Variants in RPH3A observed in about 807,000 individuals in gnomAD.
The protein encoded by RPH3A is rabphilin-3A.
A neutral mutation model predicts 102.2 loss-of-function variants in RPH3A; 48 were observed. The observed-to-expected ratio is 0.47, with a 90% CI of 0.37 to 0.60. RPH3A has a LOEUF of 0.60. Among genes scored for constraint, RPH3A ranks in the 20% least tolerant of loss-of-function variants. The pLI is 0.00. For missense variants in RPH3A, 781 were observed against 910.1 expected, an observed-to-expected ratio of 0.86 and a Z score of 1.83; for synonymous variants, 310 against 324.3, an observed-to-expected ratio of 0.96 and a Z score of 0.47.
At chr12:112,818,814 T>C (rs1206517551) in intron 2 of RPH3A, among the ~76,000 whole-genome samples, 1 of 152,066 alleles carries the variant, frequency 6.6e-6, no homozygotes, top group Non-Finnish European at 1.5e-5. Flanking sequence ...GCAAATGCAA[T>C]AGATGTCTAC....
intron 1 of RPH3A, among the ~76,000 whole-genome samples, chr12:112,678,113 C>T (rs2040194245): frequency 1.3e-5 from 2 of 151,852 alleles, no homozygotes; most frequent in Admixed American, 6.6e-5. Context: ...AGGAGAATCA[C>T]TTGAACCTGG....
intron 1 of RPH3A, among the ~76,000 whole-genome samples, chr12:112,678,303 A>AAGAAAGAG (rs1555283199): frequency 2.0e-5 from 1 of 50,194 alleles, no homozygotes; most frequent in South Asian, 6.1e-4. Context: ...GAAAGAAAGA[A>AAGAAAGAG]AGAGAGAGAG....
intron 2 of RPH3A, among the ~76,000 whole-genome samples, chr12:112,795,507 C>T (rs1433005723): frequency 6.6e-6 from 1 of 152,184 alleles, no homozygotes; most frequent in South Asian, 2.1e-4. Flanking sequence ...TGCCTCACAC[C>T]TATCTACCTT....
At chr12:112,878,556 G>A (rs146275822) in intron 13 of RPH3A, among the ~76,000 whole-genome samples, 22 of 152,286 alleles carry the variant, frequency 1.4e-4, no homozygotes, top group African/African-American at 4.8e-4. Context: ...ACATACCAAC[G>A]AATTCATTTC....
chr12:112,746,099 ATC>A, intron 1 of RPH3A, among the ~76,000 whole-genome samples: 1 of 152,242 alleles, frequency 6.6e-6, no homozygotes, highest in Non-Finnish European at 1.5e-5. Context: ...TGTGTTTCAC[ATC>A]TTTTTTCTTT....
intron 1 of RPH3A, among the ~76,000 whole-genome samples, chr12:112,610,587 T>C (rs957877231): frequency 4.6e-5 from 7 of 151,996 alleles, no homozygotes; most frequent in East Asian, 1.9e-4. Flanking sequence ...ATTATCTTAT[T>C]TGATTATCTT....
chr12:112,746,479 AC>A (rs2136057598), intron 1 of RPH3A, among the ~76,000 whole-genome samples: 1 of 151,518 alleles, frequency 6.6e-6, no homozygotes, highest in African/African-American at 2.4e-5. Flanking sequence ...GAGGGAACAA[AC>A]CTCACCGAGA....
chr12:112,755,323 A>G (rs2040816388), intron 1 of RPH3A, among the ~76,000 whole-genome samples: 1 of 151,936 alleles, frequency 6.6e-6, no homozygotes, highest in Admixed American at 6.6e-5. Context: ...ACACACACAC[A>G]CACACACACA....
chr12:112,663,657 C>T (rs2040065500), intron 1 of RPH3A, among the ~76,000 whole-genome samples: 1 of 152,072 alleles, frequency 6.6e-6, no homozygotes, highest in African/African-American at 2.4e-5. Flanking sequence ...GTGCCTGGCC[C>T]CATAAATTCT....
chr12:112,795,576 T>G (rs1442055794), intron 2 of RPH3A, among the ~76,000 whole-genome samples: 3 of 152,252 alleles, frequency 2.0e-5, no homozygotes, highest in Admixed American at 6.5e-5. Context: ...TAGTTCTAAT[T>G]TTGACTCTGG....
chr12:112,720,600 C>G (rs2040544037), intron 1 of RPH3A, among the ~76,000 whole-genome samples: 1 of 152,188 alleles, frequency 6.6e-6, no homozygotes, highest in South Asian at 2.1e-4. Flanking sequence ...GGTTCTTGCT[C>G]ATAAGTTTGC....
intron 2 of RPH3A, among the ~76,000 whole-genome samples, chr12:112,792,580 TGAGA>T (rs1363800356): frequency 6.6e-6 from 1 of 152,190 alleles, no homozygotes; most frequent in African/African-American, 2.4e-5. Flanking sequence ...GGCAGTTCTC[TGAGA>T]GAGTTAACCC....
intron 1 of RPH3A, among the ~76,000 whole-genome samples, chr12:112,701,948 G>A (rs1175775177): frequency 6.6e-6 from 1 of 152,220 alleles, no homozygotes; most frequent in East Asian, 1.9e-4. Context: ...TCAGAAGTAA[G>A]CTTTCCTTCC....
intron 1 of RPH3A, among the ~76,000 whole-genome samples, chr12:112,697,410 A>G (rs2040360392): frequency 6.6e-6 from 1 of 152,224 alleles, no homozygotes; most frequent in Admixed American, 6.5e-5. Flanking sequence ...CAGACATAAA[A>G]TGCTGTAAAG....
intron 1 of RPH3A, among the ~76,000 whole-genome samples, chr12:112,703,627 G>C (rs1314053293): frequency 6.6e-6 from 1 of 152,166 alleles, no homozygotes; most frequent in Non-Finnish European, 1.5e-5. Context: ...AATTCCAGTG[G>C]AAATGCTGAC....
intron 6 of RPH3A, 32 bp downstream of exon 6, chr12:112,865,575 T>A (rs766587724): frequency 6.2e-7 from 1 of 1,604,900 alleles, no homozygotes; most frequent in East Asian, 2.2e-5. Context: ...TTCTTCCCTG[T>A]GCAGCACCTG....
At chr12:112,611,596 G>A (rs1261577879) in intron 1 of RPH3A, among the ~76,000 whole-genome samples, 2 of 151,958 alleles carry the variant, frequency 1.3e-5, no homozygotes, top group African/African-American at 4.8e-5. Flanking sequence ...GCACCACCAC[G>A]CCCAGCTAAT....
At chr12:112,691,248 G>A (rs576595952) in intron 1 of RPH3A, among the ~76,000 whole-genome samples, 1 of 152,150 alleles carries the variant, frequency 6.6e-6, no homozygotes, top group Non-Finnish European at 1.5e-5. Context: ...TCCTGACCTC[G>A]TGATCCGCCC....
intron 1 of RPH3A, among the ~76,000 whole-genome samples, chr12:112,579,560 T>C (rs2039382470): frequency 6.6e-6 from 1 of 152,232 alleles, no homozygotes; most frequent in Non-Finnish European, 1.5e-5. Flanking sequence ...CATTTAATTT[T>C]TATGATCTTG....
Sources: gnomAD v4.1 joint callset for allele counts (sites outside exome capture counted in the v4.1 genomes callset) on GRCh38, gnomAD v4.1.1 for gene constraint, MANE v1.5 for transcripts, NCBI Gene and HGNC (gene_info 2026-07-23, HGNC 2026-07-21) for gene names.